The following SYTL2 variants were observed in gnomAD, a reference collection of about 807,000 sequenced individuals.
The protein encoded by SYTL2 is synaptotagmin like 2.
In SYTL2, 165 loss-of-function variants were observed where a neutral mutation model predicts 198.7. The observed-to-expected ratio is 0.83, with a 90% CI of 0.73 to 0.94. SYTL2 has a LOEUF of 0.94. Among genes scored for constraint, SYTL2 ranks in the 40% least tolerant of loss-of-function variants. SYTL2 has a pLI of 0.00. For missense variants in SYTL2, 2,835 were observed against 2,582.8 expected, an observed-to-expected ratio of 1.10 and a Z score of -2.12; for synonymous variants, 966 against 917.7, an observed-to-expected ratio of 1.05 and a Z score of -0.95.
At chr11:85,800,297 G>GT (rs2092867045) in intron 1 of SYTL2, among the ~76,000 whole-genome samples, 1 of 152,088 alleles carries the variant, frequency 6.6e-6, no homozygotes, top group South Asian at 2.1e-4. Flanking sequence ...GTCTCCAAGA[G>GT]TTTCCTGGGT....
At chr11:85,846,167 C>A in the SYTL2 span, among the ~76,000 whole-genome samples, 5 of 152,188 alleles carry the variant, frequency 3.3e-5, no homozygotes, top group Non-Finnish European at 7.3e-5. Flanking sequence ...TACTCAGCCT[C>A]TCCAGCATGG....
chr11:85,764,856 G>A (rs957188619), intron 1 of SYTL2, among the ~76,000 whole-genome samples: 4 of 152,168 alleles, frequency 2.6e-5, no homozygotes, highest in South Asian at 2.1e-4. Context: ...TCAATCCCTC[G>A]AACCAGAAAC....
intron 1 of SYTL2, among the ~76,000 whole-genome samples, chr11:85,771,344 T>C (rs1012944246): frequency 2.6e-5 from 4 of 152,234 alleles, no homozygotes; most frequent in African/African-American, 7.2e-5. Flanking sequence ...ACTCCCTGTC[T>C]TTGGTTAATT....
At chr11:85,783,983 C>T (rs2092600747) in intron 1 of SYTL2, among the ~76,000 whole-genome samples, 1 of 152,204 alleles carries the variant, frequency 6.6e-6, no homozygotes. Flanking sequence ...CTGGACTTCC[C>T]CAGGCAGCCC....
intron 18 of SYTL2, among the ~76,000 whole-genome samples, chr11:85,697,074 G>A (rs1426108269): frequency 2.0e-5 from 3 of 152,144 alleles, no homozygotes; most frequent in Non-Finnish European, 4.4e-5. Context: ...CTCAGAATGT[G>A]ACTGACTGAC....
chr11:85,798,061 G>T (rs1458386867), intron 1 of SYTL2, among the ~76,000 whole-genome samples: 3 of 148,788 alleles, frequency 2.0e-5, no homozygotes, highest in African/African-American at 7.5e-5. Context: ...GTTTCACCAT[G>T]TTGGCCAGAC....
At chr11:85,776,857 C>T (rs890030995) in intron 1 of SYTL2, among the ~76,000 whole-genome samples, 2 of 152,026 alleles carry the variant, frequency 1.3e-5, no homozygotes, top group Non-Finnish European at 2.9e-5. Context: ...TACCCAGCTT[C>T]GGGTATTTCT....
rs542625298 is a variant in SYTL2 at position 85,717,433 on chromosome 11, T to A, written c.5530+50A>T. 22 of 1,480,000 alleles carry A rather than the reference T, an allele frequency of 1.5e-5. No homozygotes were observed. The East Asian group carries it at 4.3e-4, about 29-fold the overall frequency. 91.7% of individuals were successfully genotyped at this position (1,480,000 alleles called of 1,614,324 possible). On this transcript the variant is annotated intron_variant, in intron 11 of 19. Transcript: ENST00000359152. ...GGGTTAGTTATTTCAGTATATTTAA[T>A]ATGTAAAGTGGAATGTTTAGTCATT... is the stretch of plus-strand genomic sequence containing the variant.
At chr11:85,827,671 G>C in the SYTL2 span, among the ~76,000 whole-genome samples, 1 of 152,076 alleles carries the variant, frequency 6.6e-6, no homozygotes, top group Non-Finnish European at 1.5e-5. Context: ...TTTTTTGAAT[G>C]AGTGAATGAG....
intron 1 of SYTL2, among the ~76,000 whole-genome samples, chr11:85,794,972 A>G (rs1468449526): frequency 6.6e-6 from 1 of 152,192 alleles, no homozygotes. Flanking sequence ...AGGAGAGGTT[A>G]AGTGGCTGTA....
chr11:85,753,453 T>C (rs2091669774), intron 2 of SYTL2, among the ~76,000 whole-genome samples: 2 of 152,090 alleles, frequency 1.3e-5, no homozygotes, highest in Non-Finnish European at 2.9e-5. Context: ...GGAACCGTTA[T>C]TGTCTCAGCT....
At chr11:85,798,154 C>T (rs2092832126) in intron 1 of SYTL2, among the ~76,000 whole-genome samples, 1 of 152,020 alleles carries the variant, frequency 6.6e-6, no homozygotes, top group African/African-American at 2.4e-5. Flanking sequence ...CCACTGCACC[C>T]AGCCTATACC....
At chr11:85,718,345 T>C (rs1269891731) in intron 10 of SYTL2, 16 of 172,336 alleles carry the variant, frequency 9.3e-5, no homozygotes, top group Non-Finnish European at 1.9e-4. Flanking sequence ...TTTCCCACCC[T>C]TGTTCTGGGA....
chr11:85,748,303 TG>T lies in SYTL2; in HGVS notation c.221del (p.Ala74AspfsTer3), dbSNP rs2091296324. The T allele has an allele frequency of 1.2e-6, 2 of 1,613,886 alleles. No homozygotes were observed. The highest frequency in any genetic ancestry group is 4.5e-5 in the East Asian group (2 of 44,884). The stretch of plus-strand genomic sequence containing the variant: ...TCTGGGGCCTCTTCTTTCTCATAGA[TG>T]CTCTGATGATATCTGCGCCATGGAT... ...DKIHGADIIR[A>X]SMRKKRPQIA... On this transcript the variant is annotated frameshift_variant, in exon 3 of 20. Transcript: ENST00000359152. LOFTEE classifies it high-confidence loss of function.
At chr11:85,780,032 T>C (rs1431400650) in intron 1 of SYTL2, among the ~76,000 whole-genome samples, 17 of 152,242 alleles carry the variant, frequency 1.1e-4, no homozygotes, top group African/African-American at 4.1e-4. Flanking sequence ...ATCTCTCACA[T>C]AGACTCCTTC....
rs548500538 is a variant in SYTL2 at position 85,720,067 on chromosome 11, T to C, written c.5428+791A>G. On this transcript the variant is annotated intron_variant, in intron 9 of 19. Transcript: ENST00000359152. ...TCCATTTGTCTAGCACACAACTCTC[T>C]TTATATATTATGTTTTCTGCTAGTA... Among the ~76,000 whole-genome samples, 6 of 152,310 alleles carry C rather than the reference T, an allele frequency of 3.9e-5. No individual in the cohort carries two copies. In the South Asian group the frequency reaches 1.2e-3, roughly 32 times the overall value.
the SYTL2 span, among the ~76,000 whole-genome samples, chr11:85,848,282 C>A: frequency 6.0e-5 from 9 of 150,662 alleles, no homozygotes; most frequent in African/African-American, 1.7e-4. Context: ...AAAAAAAAAA[C>A]CAAACCCTCA....
intron 7 of SYTL2, among the ~76,000 whole-genome samples, chr11:85,729,061 C>T (rs986153045): frequency 1.3e-5 from 2 of 152,058 alleles, no homozygotes; most frequent in African/African-American, 2.4e-5. Flanking sequence ...ATATATGCAC[C>T]CAATACAGGA....
At chr11:85,715,181 C>A (rs2153436926) in intron 11 of SYTL2, 1 of 152,236 alleles carries the variant, frequency 6.6e-6, no homozygotes, top group Middle Eastern at 3.4e-3. Flanking sequence ...TAGCATATGT[C>A]TTCTTTCTGA....
Sources: gnomAD v4.1 joint callset for allele counts (sites outside exome capture counted in the v4.1 genomes callset) on GRCh38, gnomAD v4.1.1 for gene constraint, MANE v1.5 for transcripts, NCBI Gene and HGNC (gene_info 2026-07-23, HGNC 2026-07-21) for gene names.